RGS22: variants seen among roughly 807,000 people sequenced by gnomAD.
RGS22 encodes regulator of G-protein signaling 22.
In RGS22, 148 loss-of-function variants were observed where a neutral mutation model predicts 172.9. The observed-to-expected ratio is 0.86, with a 90% CI of 0.75 to 0.98. RGS22 has a LOEUF of 0.98. Among genes scored for constraint, RGS22 ranks in the 50% least tolerant of loss-of-function variants. The pLI, the probability that RGS22 is intolerant of heterozygous loss-of-function variation, is 0.00. For synonymous variants in RGS22, 458 were observed against 480.2 expected (o/e 0.95, Z 0.60); for missense variants, 1,347 against 1,440.8 (o/e 0.93, Z 1.05).
At chr8:100,024,200 G>C (rs956991473) in intron 14 of RGS22, 2 of 152,132 alleles carry the variant, frequency 1.3e-5, no homozygotes, top group African/African-American at 4.8e-5. Flanking sequence ...TCCTGACCTC[G>C]TGATCCACCC....
At chr8:100,036,495 G>A (rs1443447243) in intron 14 of RGS22, among the ~76,000 whole-genome samples, 1 of 152,240 alleles carries the variant, frequency 6.6e-6, no homozygotes, top group East Asian at 1.9e-4. Flanking sequence ...AAACTTCAGC[G>A]TTTATGTACA....
chr8:99,991,344 A>G (rs1217495060), intron 20 of RGS22, among the ~76,000 whole-genome samples: 1 of 152,228 alleles, frequency 6.6e-6, no homozygotes, highest in Admixed American at 6.5e-5. Context: ...GTTGGAACCC[A>G]TCGCAAGGAA....
In RGS22 at chr8:100,074,799, G is replaced by A. The variant is rs544606774; in HGVS notation, c.340-2569C>T. On this transcript the variant is annotated intron_variant, in intron 4 of 27. Transcript: ENST00000360863. ...GTGGTTTTTTTTGAGATGGAGTCTC[G>A]CTCTATCGCCCAGGCTGGAGGGCAG... Among the ~76,000 whole-genome samples the A allele has an allele frequency of 7.3e-5, 11 of 151,104 alleles. No homozygotes were observed. The East Asian group carries it at 7.8e-4, about 11-fold the overall frequency.
chr8:99,982,822 A>T (rs574279885), intron 21 of RGS22, among the ~76,000 whole-genome samples: 9 of 152,298 alleles, frequency 5.9e-5, no homozygotes, highest in African/African-American at 2.2e-4. Flanking sequence ...AATTGTCAAC[A>T]TTTATTTTAG....
At chr8:100,100,538 C>T (rs1191355907) in intron 2 of RGS22, among the ~76,000 whole-genome samples, 1 of 152,092 alleles carries the variant, frequency 6.6e-6, no homozygotes, top group Non-Finnish European at 1.5e-5. Context: ...GATCTGCCTG[C>T]GACGGCCTCC....
At chr8:100,084,869 A>G (rs1232508193) in intron 3 of RGS22, among the ~76,000 whole-genome samples, 4 of 152,238 alleles carry the variant, frequency 2.6e-5, no homozygotes, top group African/African-American at 9.6e-5. Context: ...TGTCTATGAT[A>G]AAGAGTAAAC....
intron 3 of RGS22, 64 bp from the exon 4 acceptor site, chr8:100,080,419 A>C (rs535565765): frequency 2.4e-4 from 291 of 1,217,880 alleles, no homozygotes; most frequent in Admixed American, 3.9e-4. Flanking sequence ...GTCTCTAAGA[A>C]GACTTGTGGT....
rs753888585 is a variant in RGS22 at position 100,052,876 on chromosome 8, C to T, written c.1615G>A (p.Asp539Asn). 3 of 1,614,054 alleles carry T rather than the reference C, an allele frequency of 1.9e-6. No individual in the cohort carries two copies. Among genetic ancestry groups the T allele is most frequent in the Non-Finnish European group, 1.7e-6 (2 of 1,179,988 alleles). ...LRQAKPRKDI[D>N]PFPQMATLLP... ...AGGGTTGCCATTTGTGGAAAAGGGTCAATATCCTTCCTTGGTTTTGCTTGA... is the reference window on the plus strand; with the variant it reads ...AGGGTTGCCATTTGTGGAAAAGGGTTAATATCCTTCCTTGGTTTTGCTTGA... Residue 539 changes from aspartate (D) to asparagine (N), a missense_variant, in exon 10 of 28, where the codon GAC (aspartate) becomes AAC (asparagine). Transcript: ENST00000360863.
intron 20 of RGS22, among the ~76,000 whole-genome samples, chr8:99,995,967 T>C (rs1030851918): frequency 2.0e-5 from 3 of 152,128 alleles, no homozygotes; most frequent in Admixed American, 6.5e-5. Flanking sequence ...CGCAGGGACA[T>C]GGATGAAGCT....
chr8:99,989,011 A>T (rs115908294), intron 20 of RGS22, among the ~76,000 whole-genome samples: 1 of 152,104 alleles, frequency 6.6e-6, no homozygotes, highest in Non-Finnish European at 1.5e-5. Context: ...TAAAACCTGT[A>T]ATTTAAACAA....
rs537132720 is a variant in RGS22, at chr8:100,006,942, A to T, written c.2362-833T>A. Among the ~76,000 whole-genome samples the T allele has an allele frequency of 4.2e-4, 63 of 150,416 alleles. 1 individual carries two copies. The highest frequency in any genetic ancestry group is 1.4e-3 in the East Asian group (7 of 5,084). ...TATAATTCCAAATCTTTTTTTTTTT[A>T]AAACCATTGCACCCTCTACGGCATA... On this transcript the variant is annotated intron_variant, in intron 15 of 27. Transcript: ENST00000360863.
At chr8:100,081,453 T>A (rs1811753480) in intron 3 of RGS22, among the ~76,000 whole-genome samples, 1 of 151,220 alleles carries the variant, frequency 6.6e-6, no homozygotes, top group Non-Finnish European at 1.5e-5. Flanking sequence ...GAATTTAAAG[T>A]ACATGGATGA....
chr8:100,035,600 ATTACTG>A (rs1411529428), intron 14 of RGS22, among the ~76,000 whole-genome samples: 1 of 152,218 alleles, frequency 6.6e-6, no homozygotes, highest in East Asian at 1.9e-4. Flanking sequence ...CAGCGATCCC[ATTACTG>A]GGTATAAACC....
chr8:100,025,865 A>T (rs1818120330), intron 14 of RGS22, among the ~76,000 whole-genome samples: 1 of 152,212 alleles, frequency 6.6e-6, no homozygotes, highest in Non-Finnish European at 1.5e-5. Flanking sequence ...GGAGCTACAT[A>T]GTCTTAACTG....
chr8:99,999,125 C>T, intron 19 of RGS22, 137 bp downstream of exon 19: 1 of 728,748 alleles, frequency 1.4e-6, no homozygotes, highest in East Asian at 2.7e-5. Flanking sequence ...CACCACTGCA[C>T]TTCAGACTGG....
intron 18 of RGS22, among the ~76,000 whole-genome samples, chr8:100,001,216 A>ATATATATG (rs1362455224): frequency 0.044 from 5,916 of 135,160 alleles, 208 homozygotes; most frequent in Non-Finnish European, 0.067. Context: ...ATATATATAT[A>ATATATATG]TATACATATA....
intron 12 of RGS22, 77 bp from the exon 13 acceptor site, chr8:100,040,164 A>G: frequency 7.7e-7 from 1 of 1,299,580 alleles, no homozygotes; most frequent in Non-Finnish European, 1.1e-6. Flanking sequence ...ACAGGATTTC[A>G]TAAACTCTAC....
intron 23 of RGS22, among the ~76,000 whole-genome samples, chr8:99,969,950 C>A (rs541869867): frequency 6.6e-6 from 1 of 152,324 alleles, no homozygotes; most frequent in South Asian, 2.1e-4. Context: ...CATCGGGTAG[C>A]ACTTATTCTA....
In RGS22 at chr8:100,051,655, ATAAATATATATTTATATATGTT is replaced by A. The variant is rs1337711082; in HGVS notation, c.1689+1125_1689+1146del. Among the ~76,000 whole-genome samples, 27 of 49,136 alleles carry A rather than the reference ATAAATATATATTTATATATGTT, an allele frequency of 5.5e-4. 5 individuals are homozygous for A. Among genetic ancestry groups the A allele is most frequent in the Admixed American group, 1.6e-3 (4 of 2,502 alleles). The allele number at this position is 49,136 out of a possible 152,430, so 32.2% of individuals were successfully genotyped here. On this transcript the variant is annotated intron_variant, in intron 10 of 27. Transcript: ENST00000360863. ...TATATTTATATATGTTTATACATAT[ATAAATATATATTTATATATGTT>A]TATACATATATATATTTATATATAC... is the stretch of plus-strand genomic sequence containing the variant.
Sources: allele counts gnomAD v4.1 joint callset (sites outside exome capture counted in the v4.1 genomes callset), GRCh38; gene constraint gnomAD v4.1.1; transcripts MANE v1.5; gene names NCBI Gene and HGNC (gene_info 2026-07-23, HGNC 2026-07-21).